NOS1: variants seen among roughly 807,000 people sequenced by gnomAD.
NOS1 encodes NOS type I.
A neutral mutation model predicts 164.5 loss-of-function variants in NOS1; 51 were observed. The observed-to-expected ratio is 0.31, with a 90% confidence interval of 0.25 to 0.39. The LOEUF (loss-of-function observed/expected upper bound fraction) is 0.39. Among genes scored for constraint, NOS1 ranks in the 10% least tolerant of loss-of-function variants. The probability of loss-of-function intolerance (pLI) is 1.00; values close to 1 mark genes in which losing one functional copy is unlikely to be tolerated. For missense variants in NOS1, 1,362 were observed against 1,885.6 expected (o/e 0.72, Z 5.14); for synonymous variants, 719 against 745.8 (o/e 0.96, Z 0.59).
At chr12:117,329,940 C>G (rs77116036) in intron 2 of NOS1, among the ~76,000 whole-genome samples, 3 of 152,288 alleles carry the variant, frequency 2.0e-5, no homozygotes, top group Non-Finnish European at 2.9e-5. Flanking sequence ...CAGGGTGCCA[C>G]GCACACACGC....
intron 3 of NOS1, among the ~76,000 whole-genome samples, chr12:117,304,629 C>G (rs1483154147): frequency 6.6e-6 from 1 of 152,140 alleles, no homozygotes; most frequent in African/African-American, 2.4e-5. Flanking sequence ...AGGCCAGATG[C>G]AATTTGCAAG....
intron 17 of NOS1, among the ~76,000 whole-genome samples, chr12:117,253,166 AT>A (rs2135968294): frequency 6.6e-6 from 1 of 152,290 alleles, no homozygotes; most frequent in South Asian, 2.1e-4. Context: ...TTCTAGATCA[AT>A]TCCATCGGAA....
intron 1 of NOS1, chr12:117,347,903 G>A (rs1243676421): frequency 6.6e-6 from 1 of 151,964 alleles, no homozygotes; most frequent in African/African-American, 2.4e-5. Context: ...TGTCTAAATT[G>A]GGCTTTCTCT....
chr12:117,259,767 G>T (rs1258398993), intron 14 of NOS1, among the ~76,000 whole-genome samples: 16 of 152,140 alleles, frequency 1.1e-4, no homozygotes, highest in African/African-American at 3.9e-4. Flanking sequence ...GCCTCTTTTG[G>T]AGATTAGAAC....
At chr12:117,220,351 C>T (rs1480210308) in intron 26 of NOS1, 82 bp from the exon 27 acceptor site, 1 of 1,390,024 alleles carries the variant, frequency 7.2e-7, no homozygotes, top group East Asian at 2.3e-5. Context: ...GGAAGCAGAG[C>T]CTGACTCAGG....
At chr12:117,302,594 CAAAAAAAA>C (rs144113071) in intron 3 of NOS1, among the ~76,000 whole-genome samples, 1 of 72,966 alleles carries the variant, frequency 1.4e-5, no homozygotes, top group Non-Finnish European at 2.7e-5. Context: ...GACTCCGTCT[CAAAAAAAA>C]AAAAAAAAAA....
At chr12:117,215,869 CTTT>C (rs34665031) in intron 28 of NOS1, among the ~76,000 whole-genome samples, 171 of 85,414 alleles carry the variant, frequency 2.0e-3, no homozygotes, top group African/African-American at 6.1e-3. Context: ...TTTAAAAGGA[CTTT>C]TTTTTTTTTT....
intron 1 of NOS1, among the ~76,000 whole-genome samples, chr12:117,352,898 T>C (rs915352071): frequency 1.3e-5 from 2 of 152,172 alleles, no homozygotes; most frequent in African/African-American, 4.8e-5. Flanking sequence ...GATAAAGTAT[T>C]TAAACAGAAA....
intron 2 of NOS1, among the ~76,000 whole-genome samples, chr12:117,323,162 G>A (rs1380393740): frequency 6.6e-6 from 1 of 152,172 alleles, no homozygotes; most frequent in Non-Finnish European, 1.5e-5. Context: ...AAGAAGAAAG[G>A]GCATGAGGAC....
chr12:117,222,290 T>C (rs1268041015), intron 26 of NOS1, among the ~76,000 whole-genome samples: 1 of 151,974 alleles, frequency 6.6e-6, no homozygotes, highest in Non-Finnish European at 1.5e-5. Context: ...GAGTCTCACT[T>C]TGTCACCCAG....
At chr12:117,279,207 T>C (rs892013626) in intron 8 of NOS1, among the ~76,000 whole-genome samples, 3 of 151,944 alleles carry the variant, frequency 2.0e-5, no homozygotes, top group Non-Finnish European at 4.4e-5. Context: ...TGAAACCCTA[T>C]CTCTACTAAA....
intron 1 of NOS1, among the ~76,000 whole-genome samples, chr12:117,343,772 C>G (rs1876221197): frequency 6.6e-6 from 1 of 152,154 alleles, no homozygotes; most frequent in Admixed American, 6.5e-5. Context: ...TGGGTGCTTT[C>G]TGGTGTAGGG....
Position 117,224,957 on chromosome 12 carries a change from C to T in NOS1, c.3826+59G>A, listed in dbSNP as rs528924368. ...ACTGTTCTCTAGGGCTGCTGAGACA[C>T]AGCTGGACCTCCCCAGGTCCGGGGG... On this transcript the variant is annotated intron_variant, in intron 25 of 28. Coordinates refer to ENST00000317775, the MANE Select transcript of NOS1 (RefSeq NM_000620.5). The T allele has an allele frequency of 2.7e-5, 44 of 1,611,550 alleles. No individual in the cohort carries two copies. In the African/African-American group the frequency reaches 4.8e-4, roughly 18 times the overall value.
rs375590060 is a variant in NOS1, at chr12:117,292,288, C to T, written c.853-1862G>A. 3.3e-5 allele frequency among the ~76,000 whole-genome samples: 5 copies of T among 152,216 alleles called. No individual in the cohort carries two copies. In the South Asian group the frequency reaches 1.0e-3, roughly 32 times the overall value. On this transcript the variant is annotated intron_variant, in intron 3 of 28. Coordinates refer to ENST00000317775, the MANE Select transcript of NOS1 (RefSeq NM_000620.5). Reference sequence around the variant, plus strand: ...TGTAACTAAGTGGAGGGGAGAAGGGCAAGTGCAAAGGCACTGACATGGGAA... The same window carrying T: ...TGTAACTAAGTGGAGGGGAGAAGGGTAAGTGCAAAGGCACTGACATGGGAA...
chr12:117,257,607 C>CTTTTTTTTTTTTTTTTTT (rs151304592), intron 16 of NOS1, among the ~76,000 whole-genome samples: 2 of 99,122 alleles, frequency 2.0e-5, no homozygotes, highest in African/African-American at 4.4e-5. Flanking sequence ...TTGATTTTAG[C>CTTTTTTTTTTTTTTTTTT]TTTTTTTTTT....
chr12:117,208,452 C>A lies in NOS1; in HGVS notation c.*6857G>T, dbSNP rs1320924130. ...GATGCGACCAGGTCTGCCCACCTCCCCAGCTTCCCAAGCCCGGAACGGACA... is the reference window on the plus strand; with the variant it reads ...GATGCGACCAGGTCTGCCCACCTCCACAGCTTCCCAAGCCCGGAACGGACA... On this transcript the variant is annotated 3_prime_UTR_variant, in exon 29 of 29. Transcript: ENST00000317775. 4.0e-6 allele frequency: 5 copies of A among 1,263,090 alleles called. No homozygotes were observed. Among genetic ancestry groups the A allele is most frequent in the Non-Finnish European group, 5.1e-6 (5 of 975,144 alleles). The allele number at this position is 1,263,090 out of a possible 1,614,324, so 78.2% of individuals were successfully genotyped here.
chr12:117,336,223 A>C (rs1875814074), intron 1 of NOS1, among the ~76,000 whole-genome samples: 1 of 152,162 alleles, frequency 6.6e-6, no homozygotes, highest in African/African-American at 2.4e-5. Flanking sequence ...AGATGAGAAA[A>C]CAAAGCTCCC....
chr12:117,323,013 G>C (rs1317519656), intron 2 of NOS1, among the ~76,000 whole-genome samples: 4 of 151,762 alleles, frequency 2.6e-5, no homozygotes, highest in African/African-American at 4.8e-5. Flanking sequence ...AACCAGCCTT[G>C]GATGAAGGAT....
At position 117,210,275 on chromosome 12, in the gene NOS1, G is replaced by A; in HGVS notation, c.*5034C>T. The A allele has an allele frequency of 1.0e-6, 1 of 984,858 alleles. No individual in the cohort carries two copies. The allele number at this position is 984,858 out of a possible 1,614,324, so 61.0% of individuals were successfully genotyped here. ...TTACAGGCATGAACCACCATGCCTG[G>A]CCTACTTTTTGAGCCAAAGAGGACA... On this transcript the variant is annotated 3_prime_UTR_variant, in exon 29 of 29. Transcript: ENST00000317775.
Sources: gnomAD v4.1 joint callset for allele counts (sites outside exome capture counted in the v4.1 genomes callset) on GRCh38, gnomAD v4.1.1 for gene constraint, MANE v1.5 for transcripts, NCBI Gene and HGNC (gene_info 2026-07-23, HGNC 2026-07-21) for gene names.